MTCL2: variants seen among roughly 807,000 people sequenced by gnomAD.
MTCL2 encodes the protein microtubule cross-linking factor 2.
the MTCL2 span, among the ~76,000 whole-genome samples, chr20:36,840,527 C>T: frequency 3.7e-4 from 56 of 151,686 alleles, 1 homozygote; most frequent in Non-Finnish European, 6.9e-4. Flanking sequence ...AACAGGAACA[C>T]ACTGGGGAAG....
the MTCL2 span, among the ~76,000 whole-genome samples, chr20:36,856,851 T>TGTGTGTGCGTGCGCGCAC: frequency 6.6e-5 from 10 of 152,184 alleles, no homozygotes; most frequent in Non-Finnish European, 1.3e-4. Flanking sequence ...TGTGTGTGTG[T>TGTGTGTGCGTGCGCGCAC]GTGTGTGCGT....
the MTCL2 span, chr20:36,803,182 G>A: frequency 8.0e-5 from 119 of 1,492,306 alleles, 1 homozygote; most frequent in East Asian, 2.3e-3. Flanking sequence ...CTTCCCTCCT[G>A]GGTGCCAGCG....
At chr20:36,862,717 C>T in the MTCL2 span, 9 of 1,500,620 alleles carry the variant, frequency 6.0e-6, no homozygotes, top group Non-Finnish European at 8.0e-6. Flanking sequence ...CCGCTGGGCC[C>T]GCAGTCCAGC....
the MTCL2 span, chr20:36,859,548 A>G: frequency 8.4e-7 from 1 of 1,197,228 alleles, no homozygotes; most frequent in Non-Finnish European, 1.0e-6. Context: ...CTCTCTGAAT[A>G]ATTAAAGTGA....
chr20:36,809,926 T>C, the MTCL2 span: 1 of 1,555,930 alleles, frequency 6.4e-7, no homozygotes, highest in Non-Finnish European at 8.7e-7. Context: ...GGCCTCTGCT[T>C]CCAGCTCAGA....
chr20:36,836,903 T>C, the MTCL2 span, among the ~76,000 whole-genome samples: 4 of 152,190 alleles, frequency 2.6e-5, no homozygotes, highest in Non-Finnish European at 5.9e-5. Context: ...CACTCCTGTT[T>C]ACCTCCCCTG....
the MTCL2 span, among the ~76,000 whole-genome samples, chr20:36,835,601 G>A: frequency 6.6e-6 from 1 of 152,120 alleles, no homozygotes; most frequent in East Asian, 1.9e-4. Flanking sequence ...AGGGAAAGCA[G>A]CATTCTGATA....
At chr20:36,785,397 A>T in the MTCL2 span, 1 of 984,150 alleles carries the variant, frequency 1.0e-6, no homozygotes, top group Non-Finnish European at 1.2e-6. Flanking sequence ...AACCACCTTA[A>T]ATATTTATAG....
At chr20:36,802,562 A>C in the MTCL2 span, among the ~76,000 whole-genome samples, 1 of 152,024 alleles carries the variant, frequency 6.6e-6, no homozygotes, top group Non-Finnish European at 1.5e-5. Flanking sequence ...GTACTTGCTA[A>C]GCTGTAAGAT....
the MTCL2 span, among the ~76,000 whole-genome samples, chr20:36,804,577 T>C: frequency 6.6e-6 from 1 of 152,218 alleles, no homozygotes; most frequent in Admixed American, 6.5e-5. Context: ...CCTTGCTGTG[T>C]GACTTTAGGC....
the MTCL2 span, among the ~76,000 whole-genome samples, chr20:36,790,428 C>CTTT: frequency 7.9e-5 from 8 of 101,140 alleles, no homozygotes; most frequent in East Asian, 2.9e-4. Flanking sequence ...ACGCCTGGCC[C>CTTT]TTTTTTTTTT....
chr20:36,783,902 C>T, the MTCL2 span: 5 of 985,386 alleles, frequency 5.1e-6, no homozygotes, highest in Non-Finnish European at 6.0e-6. Context: ...ATTTTCAACC[C>T]CATCCAGCCC....
At chr20:36,785,738 GC>G in the MTCL2 span, 5 of 985,424 alleles carry the variant, frequency 5.1e-6, no homozygotes, top group East Asian at 3.4e-4. Flanking sequence ...GAACGTTGGG[GC>G]CCCAAGTCAC....
At chr20:36,792,877 C>G in the MTCL2 span, among the ~76,000 whole-genome samples, 4 of 151,288 alleles carry the variant, frequency 2.6e-5, no homozygotes, top group Non-Finnish European at 5.9e-5. Context: ...GACAGACAGA[C>G]AGACAGACAG....
chr20:36,809,456 C>T, the MTCL2 span, among the ~76,000 whole-genome samples: 1 of 151,460 alleles, frequency 6.6e-6, no homozygotes, highest in Non-Finnish European at 1.5e-5. Flanking sequence ...AGGACTGGCC[C>T]CAGGTCCCAC....
the MTCL2 span, among the ~76,000 whole-genome samples, chr20:36,809,661 C>T: frequency 1.7e-3 from 260 of 151,434 alleles, 1 homozygote; most frequent in African/African-American, 5.8e-3. Context: ...CTGTAACCTC[C>T]GCCTCCTGGG....
chr20:36,817,392 G>A, the MTCL2 span: 1 of 1,569,200 alleles, frequency 6.4e-7, no homozygotes, highest in Non-Finnish European at 8.6e-7. Flanking sequence ...TCCTACGGGG[G>A]CTGCTGGGAA....
At chr20:36,794,262 T>G in the MTCL2 span, 9 of 1,551,458 alleles carry the variant, frequency 5.8e-6, no homozygotes, top group Admixed American at 1.6e-4. The surrounding 1 kb of genome is among the most constrained non-coding windows in gnomAD (Gnocchi z 5.4). Flanking sequence ...TCGATAATGA[T>G]CTTGCCCTCT....
At chr20:36,799,176 C>A in the MTCL2 span, among the ~76,000 whole-genome samples, 69 of 151,314 alleles carry the variant, frequency 4.6e-4, no homozygotes, top group Non-Finnish European at 7.2e-4. Flanking sequence ...GGCAACACGG[C>A]GAAACCCCAT....
Sources: gnomAD v4.1 joint callset for allele counts (sites outside exome capture counted in the v4.1 genomes callset) on GRCh38, gnomAD v4.1.1 for gene constraint, Gnocchi (gnomAD v3.1) non-coding constraint, MANE v1.5 for transcripts, NCBI Gene and HGNC (gene_info 2026-07-23, HGNC 2026-07-21) for gene names.